The following DLGAP2 variants were observed in gnomAD, a reference collection of about 807,000 sequenced individuals.
The protein encoded by DLGAP2 is DLG associated protein 2, also known as disks large-associated protein 2.
A neutral mutation model predicts 100.3 loss-of-function variants in DLGAP2; 26 were observed. That is an observed-to-expected ratio of 0.26 (90% confidence interval 0.19 to 0.36). The LOEUF (loss-of-function observed/expected upper bound fraction) is 0.36. DLGAP2 is among the 10% of genes least tolerant of loss of function. The pLI is 1.00. For synonymous variants in DLGAP2, 886 were observed against 630.1 expected (o/e 1.41, Z -6.08); for missense variants, 1,858 against 1,453.2 (o/e 1.28, Z -4.53).
intron 2 of DLGAP2, among the ~76,000 whole-genome samples, chr8:1,030,548 A>C (rs1801944168): frequency 2.0e-5 from 3 of 152,180 alleles, no homozygotes; most frequent in Admixed American, 1.3e-4. Flanking sequence ...GTTAGTTTAA[A>C]AACATTTAAC....
At chr8:1,367,887 G>A (rs1017130701) in intron 3 of DLGAP2, among the ~76,000 whole-genome samples, 1 of 152,142 alleles carries the variant, frequency 6.6e-6, no homozygotes, top group African/African-American at 2.4e-5. Flanking sequence ...GAGAGAAGAG[G>A]GGGCAGAGAA....
chr8:1,544,105 G>T, intron 4 of DLGAP2, among the ~76,000 whole-genome samples: 1 of 151,996 alleles, frequency 6.6e-6, no homozygotes, highest in South Asian at 2.1e-4. Flanking sequence ...GGTTTGCCAT[G>T]TTGTCCAGGC....
chr8:1,369,561 G>A (rs1399050089), intron 3 of DLGAP2: 1 of 152,162 alleles, frequency 6.6e-6, no homozygotes, highest in Non-Finnish European at 1.5e-5. Context: ...TTGGCCTCCA[G>A]TGTAAATTCT....
At chr8:780,400 A>G (rs1236896766) in intron 1 of DLGAP2, among the ~76,000 whole-genome samples, 1 of 152,216 alleles carries the variant, frequency 6.6e-6, no homozygotes, top group Non-Finnish European at 1.5e-5. Flanking sequence ...ACAGACACGT[A>G]GGTTGATTCC....
intron 2 of DLGAP2, among the ~76,000 whole-genome samples, chr8:1,162,820 C>T (rs1457873737): frequency 6.6e-6 from 1 of 152,218 alleles, no homozygotes; most frequent in Non-Finnish European, 1.5e-5. Flanking sequence ...GTTCTGATCT[C>T]GGGAGGTCCC....
intron 2 of DLGAP2, among the ~76,000 whole-genome samples, chr8:1,231,825 G>A (rs1315840463): frequency 6.6e-6 from 1 of 152,100 alleles, no homozygotes; most frequent in Non-Finnish European, 1.5e-5. Flanking sequence ...AAGGGCGGGA[G>A]GAAGTGTTGG....
intron 3 of DLGAP2, among the ~76,000 whole-genome samples, chr8:1,485,557 C>T (rs1233740901): frequency 2.0e-5 from 3 of 152,206 alleles, no homozygotes; most frequent in Non-Finnish European, 4.4e-5. Context: ...CACGTTGCGT[C>T]CATGTGAAGA....
At chr8:1,242,530 G>C (rs1171891887) in intron 2 of DLGAP2, among the ~76,000 whole-genome samples, 1 of 152,212 alleles carries the variant, frequency 6.6e-6, no homozygotes, top group Non-Finnish European at 1.5e-5. Flanking sequence ...CTTCAATCCT[G>C]CTGAGGTACA....
At position 1,289,441 on chromosome 8, in the gene DLGAP2, G is replaced by A. The variant is rs117502757; in HGVS notation, c.106+30558G>A. ...TACACACATGCCCTGTCTATTTTGC[G>A]GGGTTCCCTTCTTCTATTTTTAAGC... On this transcript the variant is annotated intron_variant, in intron 3 of 14. Coordinates refer to ENST00000637795, the MANE Select transcript of DLGAP2 (RefSeq NM_001346810.2). Among the ~76,000 whole-genome samples the A allele has an allele frequency of 4.1e-3, 622 of 152,232 alleles. 3 individuals are homozygous for A. The highest frequency in any genetic ancestry group is 6.8e-3 in the Non-Finnish European group (465 of 68,014).
chr8:1,075,371 C>T (rs917272562), intron 2 of DLGAP2, among the ~76,000 whole-genome samples: 15 of 152,096 alleles, frequency 9.9e-5, no homozygotes, highest in South Asian at 2.1e-4. Context: ...AGGAGAACCG[C>T]GGCTGGGTGT....
chr8:1,632,842 A>T lies in DLGAP2; in HGVS notation c.1606A>T (p.Ile536Phe). 1 of 1,611,164 alleles carries T rather than the reference A, an allele frequency of 6.2e-7. No homozygotes were observed. The highest frequency in any genetic ancestry group is 8.5e-7 in the Non-Finnish European group (1 of 1,177,944). Residue 536 changes from isoleucine to phenylalanine, a missense_variant, in exon 8 of 15, where the codon ATC (isoleucine) becomes TTC (phenylalanine). Transcript: ENST00000637795. ...ATGATTGCAGGTGAGCGAGGCGGAG[A>T]TCAATGGGCAATTCGAGTCCGTGTG... ...SCVSQVSEAE[I>F]NGQFESVCES...
intron 6 of DLGAP2, among the ~76,000 whole-genome samples, chr8:1,580,830 G>A (rs1430346262): frequency 6.9e-6 from 1 of 145,346 alleles, no homozygotes; most frequent in African/African-American, 2.6e-5. Context: ...GAAGGATACA[G>A]ACAAAACCCC....
intron 5 of DLGAP2, among the ~76,000 whole-genome samples, chr8:1,558,005 C>T (rs923068092): frequency 5.9e-5 from 9 of 152,218 alleles, no homozygotes; most frequent in African/African-American, 1.2e-4. Flanking sequence ...AGCTTTCTCC[C>T]GCTGAATGGC....
intron 3 of DLGAP2, among the ~76,000 whole-genome samples, chr8:1,498,645 A>AC (rs1351859049): frequency 2.6e-5 from 4 of 152,224 alleles, no homozygotes; most frequent in Admixed American, 6.5e-5. Flanking sequence ...AAGCACAGTA[A>AC]GAGAGTAACC....
chr8:833,633 G>A (rs576098587), intron 1 of DLGAP2, among the ~76,000 whole-genome samples: 53 of 152,168 alleles, frequency 3.5e-4, no homozygotes, highest in Non-Finnish European at 3.4e-4. Context: ...CAGGACCCTC[G>A]GCTTCTCCCC....
At chr8:1,190,769 G>T (rs1563242503) in intron 2 of DLGAP2, among the ~76,000 whole-genome samples, 1 of 152,170 alleles carries the variant, frequency 6.6e-6, no homozygotes, top group Non-Finnish European at 1.5e-5. Context: ...CCCATGACTA[G>T]AGCCCAGGTT....
At chr8:1,220,133 A>G (rs1305525680) in intron 2 of DLGAP2, among the ~76,000 whole-genome samples, 1 of 151,772 alleles carries the variant, frequency 6.6e-6, no homozygotes, top group Non-Finnish European at 1.5e-5. Context: ...TGATTTAGGC[A>G]ATTTGTTTTC....
intron 1 of DLGAP2, among the ~76,000 whole-genome samples, chr8:760,542 T>G (rs369886282): frequency 1.3e-5 from 2 of 152,220 alleles, no homozygotes; most frequent in African/African-American, 4.8e-5. Flanking sequence ...GCAAAATAAT[T>G]TTGCCTAAGA....
intron 3 of DLGAP2, among the ~76,000 whole-genome samples, chr8:1,458,565 A>T (rs1690400097): frequency 6.6e-6 from 1 of 152,130 alleles, no homozygotes; most frequent in Non-Finnish European, 1.5e-5. Flanking sequence ...AGTTCATGAA[A>T]CCCTACAAAT....
Sources: gnomAD v4.1 joint callset for allele counts (sites outside exome capture counted in the v4.1 genomes callset) on GRCh38, gnomAD v4.1.1 for gene constraint, MANE v1.5 for transcripts, NCBI Gene and HGNC (gene_info 2026-07-23, HGNC 2026-07-21) for gene names.